CA6: variants seen among roughly 807,000 people sequenced by gnomAD.
The protein encoded by CA6 is carbonate dehydratase VI.
CA6 carries 28 observed loss-of-function variants against 35.9 expected under a neutral mutation model. That is an observed-to-expected ratio of 0.78 (90% CI 0.58 to 1.07). CA6 has a LOEUF of 1.07. Ranked by LOEUF, CA6 falls within the 50% of genes least tolerant of loss-of-function variation. The pLI is 0.00. For synonymous variants in CA6, 148 were observed against 152.6 expected (o/e 0.97, Z 0.22); for missense variants, 377 against 382.0 (o/e 0.99, Z 0.11).
In CA6 at chr1:8,974,976, C is replaced by A; in HGVS notation, c.*272C>A. On this transcript the variant is annotated 3_prime_UTR_variant, in exon 8 of 8. Coordinates refer to ENST00000377443, the MANE Select transcript of CA6 (RefSeq NM_001215.4). ...GAATAGAAACTTAAAGGAAATGGAACCCTAACTATTCTCCCATCAAATCAT... is the reference window on the plus strand; with the variant it reads ...GAATAGAAACTTAAAGGAAATGGAAACCTAACTATTCTCCCATCAAATCAT... 3.3e-6 allele frequency: 1 copy of A among 306,266 alleles called. No individual in the cohort carries two copies. The highest frequency in any genetic ancestry group is 5.9e-6 in the Non-Finnish European group (1 of 169,184). 19.0% of individuals were successfully genotyped at this position (306,266 alleles called of 1,614,324 possible). A position where few individuals can be genotyped will look rare whatever the true frequency, so the allele number is the denominator to read the frequency against.
chr1:8,953,680 GT>G (rs1407293173), intron 2 of CA6, among the ~76,000 whole-genome samples: 3 of 152,258 alleles, frequency 2.0e-5, no homozygotes, highest in Admixed American at 6.5e-5. Context: ...AGGTTTGTGT[GT>G]TTTCAGTCCA....
intron 2 of CA6, among the ~76,000 whole-genome samples, 193 bp from the exon 3 acceptor site, chr1:8,956,944 C>T (rs1029782809): frequency 6.6e-6 from 1 of 152,208 alleles, no homozygotes; most frequent in Non-Finnish European, 1.5e-5. Context: ...TCCATCCTGA[C>T]CTCACCCTGT....
chr1:8,960,974 A>G (rs1307218023), intron 4 of CA6, among the ~76,000 whole-genome samples: 3 of 152,172 alleles, frequency 2.0e-5, no homozygotes, highest in African/African-American at 7.2e-5. Context: ...CAAAAATCAA[A>G]CTGTTGAAAG....
intron 7 of CA6, among the ~76,000 whole-genome samples, chr1:8,972,939 ATCCCTTTG>A (rs1640147182): frequency 6.6e-6 from 1 of 152,126 alleles, no homozygotes; most frequent in Non-Finnish European, 1.5e-5. Flanking sequence ...AACAGCAAGA[ATCCCTTTG>A]TCCGAAAGTG....
At position 8,957,122 on chromosome 1, in the gene CA6, A is replaced by C. The variant is rs1569682808; in HGVS notation, c.260-15A>C. On this transcript the variant is annotated splice_polypyrimidine_tract_variant and intron_variant, in intron 2 of 7. Transcript: ENST00000377443. ...GTTCACCTACTCTGCTCTCAGCCCC[A>C]CCTTGTCTCTCCAGTGCAGATCAGC... 3 of 1,587,196 alleles carry C rather than the reference A, an allele frequency of 1.9e-6. No individual in the cohort carries two copies. The highest frequency in any genetic ancestry group is 4.5e-5 in the East Asian group (2 of 44,318).
chr1:8,954,576 G>A (rs1639625913), intron 2 of CA6, among the ~76,000 whole-genome samples: 1 of 152,148 alleles, frequency 6.6e-6, no homozygotes, highest in Non-Finnish European at 1.5e-5. Flanking sequence ...ATTGGGACCG[G>A]TTTTTGGTAA....
chr1:8,965,366 G>T (rs1303199592), intron 5 of CA6, among the ~76,000 whole-genome samples: 2 of 151,922 alleles, frequency 1.3e-5, no homozygotes, highest in African/African-American at 4.8e-5. Context: ...ACTTTTTTTC[G>T]TCTTCCTAAA....
chr1:8,953,724 A>G (rs947329709), intron 2 of CA6, among the ~76,000 whole-genome samples: 11 of 152,176 alleles, frequency 7.2e-5, no homozygotes, highest in Non-Finnish European at 1.6e-4. Context: ...GCTTGATCGT[A>G]TAGTAATGTC....
intron 5 of CA6, 133 bp from the exon 6 acceptor site, chr1:8,967,526 G>C (rs1406889795): frequency 2.9e-6 from 2 of 694,626 alleles, no homozygotes; most frequent in Non-Finnish European, 4.9e-6. Context: ...CTGGGAAATT[G>C]TTTCTTAATC....
intron 7 of CA6, 35 bp from the exon 8 acceptor site, chr1:8,974,587 G>T (rs926343680): frequency 5.9e-6 from 9 of 1,514,696 alleles, no homozygotes; most frequent in South Asian, 4.6e-5. Flanking sequence ...ACTGTACAAG[G>T]TTTAACCATT....
intron 2 of CA6, 152 bp from the exon 3 acceptor site, chr1:8,956,985 G>C: frequency 1.6e-6 from 1 of 610,446 alleles, no homozygotes. Flanking sequence ...TTCTCCTTTG[G>C]TGACCCTGCC....
chr1:8,974,450 A>G (rs79453719), intron 7 of CA6, 172 bp from the exon 8 acceptor site: 1 of 1,523,252 alleles, frequency 6.6e-7, no homozygotes, highest in Non-Finnish European at 8.7e-7. Context: ...CCTGAGTTCA[A>G]ACACAGTGAA....
intron 7 of CA6, among the ~76,000 whole-genome samples, chr1:8,973,943 C>T (rs980298673): frequency 3.9e-5 from 6 of 152,056 alleles, no homozygotes; most frequent in African/African-American, 7.2e-5. Flanking sequence ...CCTCCTACCT[C>T]GACCTCCCAA....
chr1:8,967,468 G>A (rs528414595), intron 5 of CA6, among the ~76,000 whole-genome samples, 191 bp from the exon 6 acceptor site: 4 of 152,250 alleles, frequency 2.6e-5, no homozygotes, highest in South Asian at 2.1e-4. Context: ...GTCTGAGTGC[G>A]TCTATCCCCA....
chr1:8,962,712 T>C, intron 5 of CA6, 56 bp downstream of exon 5: 2 of 1,476,932 alleles, frequency 1.4e-6, no homozygotes, highest in Non-Finnish European at 1.9e-6. Flanking sequence ...TGAGTGTGAG[T>C]GTGAGGTGGG....
intron 4 of CA6, among the ~76,000 whole-genome samples, chr1:8,961,079 A>G (rs1639830479): frequency 6.6e-6 from 1 of 152,196 alleles, no homozygotes; most frequent in Admixed American, 6.5e-5. Flanking sequence ...AATGACTGTC[A>G]ATCAAGAATT....
At chr1:8,964,977 C>T (rs921866657) in intron 5 of CA6, among the ~76,000 whole-genome samples, 12 of 152,156 alleles carry the variant, frequency 7.9e-5, no homozygotes, top group Non-Finnish European at 7.3e-5. Flanking sequence ...GGTGCGGTGG[C>T]TCACACCTGT....
At chr1:8,969,150 C>T (rs766663287) in intron 6 of CA6, among the ~76,000 whole-genome samples, 19 of 152,074 alleles carry the variant, frequency 1.2e-4, no homozygotes, top group Non-Finnish European at 2.6e-4. Flanking sequence ...CCTGTCTCTA[C>T]TAAAGATACA....
intron 7 of CA6, among the ~76,000 whole-genome samples, chr1:8,972,541 G>A (rs534639680): frequency 5.4e-4 from 82 of 152,080 alleles, no homozygotes; most frequent in Non-Finnish European, 6.9e-4. Flanking sequence ...GCGAGGTGGC[G>A]GGCGCCTGTA....
Sources: gnomAD v4.1 joint callset for allele counts (sites outside exome capture counted in the v4.1 genomes callset) on GRCh38, gnomAD v4.1.1 for gene constraint, MANE v1.5 for transcripts, NCBI Gene and HGNC (gene_info 2026-07-23, HGNC 2026-07-21) for gene names.